PALB2: variants seen among roughly 807,000 people sequenced by gnomAD.
PALB2 encodes the protein partner and localizer of BRCA2, also known as mutant partner and localizer of BRCA2.
PALB2 carries 82 observed loss-of-function variants against 107.4 expected under a neutral mutation model. The observed-to-expected ratio is 0.76, with a 90% CI of 0.64 to 0.92. The LOEUF (loss-of-function observed/expected upper bound fraction) is 0.92. Among genes scored for constraint, PALB2 ranks in the 40% least tolerant of loss-of-function variants. The pLI is 0.00. For missense variants in PALB2, 1,374 were observed against 1,379.9 expected (o/e 1.00, Z 0.07); for synonymous variants, 489 against 496.8 (o/e 0.98, Z 0.21).
intron 6 of PALB2, among the ~76,000 whole-genome samples, chr16:23,628,446 C>A (rs904353301): frequency 5.3e-5 from 8 of 152,300 alleles, no homozygotes; most frequent in African/African-American, 1.9e-4. Context: ...GCACCCCCAT[C>A]TTCAACCCTA....
intron 11 of PALB2, among the ~76,000 whole-genome samples, chr16:23,611,078 G>GTCTA (rs201931763): frequency 0.2 from 29,309 of 148,066 alleles, 2,924 homozygotes; most frequent in Middle Eastern, 0.28. Flanking sequence ...TCAACTGTCA[G>GTCTA]TCTATCTATC....
rs1324636666 is a variant in PALB2 at position 23,626,277 on chromosome 16, C to T, written c.2707G>A (p.Ala903Thr). 2 of 1,614,180 alleles carry T rather than the reference C, an allele frequency of 1.2e-6. No homozygotes were observed. Among genetic ancestry groups the T allele is most frequent in the South Asian group, 2.2e-5 (2 of 91,090 alleles). The change falls in exon 7 of 13, where the codon GCT becomes ACT. Residue 903 changes from alanine to threonine, a missense_variant. Physicochemically the swap from Ala to Thr is moderately conservative, Grantham distance 58. Transcript: ENST00000261584. ...GTATAAAGTTTTTCCCACTGCCAAG[C>T]ATCCAGAGCTTTCCAAAGAGAAACT... ...DVVSLWKALDAWQWEKLYTWH... is the reference protein window; with the variant it reads ...DVVSLWKALDTWQWEKLYTWH...
intron 11 of PALB2, among the ~76,000 whole-genome samples, chr16:23,608,823 C>CACACACACACAT (rs1434556537): frequency 2.7e-5 from 4 of 148,276 alleles, no homozygotes; most frequent in South Asian, 2.1e-4. Flanking sequence ...CACACACACA[C>CACACACACACAT]ATATATACAG....
chr16:23,623,199 ACT>A, intron 8 of PALB2, 69 bp from the exon 9 acceptor site: 41 of 1,109,486 alleles, frequency 3.7e-5, no homozygotes, highest in Non-Finnish European at 4.2e-5. Context: ...GACTAGGTTC[ACT>A]TTTTTTTTTT....
chr16:23,625,022 C>T (rs1048055143), intron 7 of PALB2, among the ~76,000 whole-genome samples: 1 of 152,066 alleles, frequency 6.6e-6, no homozygotes, highest in East Asian at 1.9e-4. Flanking sequence ...TAAGCTCCTC[C>T]AACAGGTCTA....
intron 10 of PALB2, 74 bp from the exon 11 acceptor site, chr16:23,614,165 A>T: frequency 9.2e-7 from 1 of 1,085,170 alleles, no homozygotes; most frequent in Non-Finnish European, 1.4e-6. Flanking sequence ...TTTCTTATTC[A>T]TCATAGCATG....
At chr16:23,636,876 T>C (rs1217867860) in intron 3 of PALB2, among the ~76,000 whole-genome samples, 3 of 152,188 alleles carry the variant, frequency 2.0e-5, no homozygotes, top group Non-Finnish European at 4.4e-5. Flanking sequence ...ATTACTTGAA[T>C]GTAAACATCA....
At chr16:23,607,731 G>C in intron 12 of PALB2, 133 bp downstream of exon 12, 1 of 1,116,016 alleles carries the variant, frequency 9.0e-7, no homozygotes, top group Non-Finnish European at 1.3e-6. Flanking sequence ...TCCTACTTCT[G>C]AATATTCCTA....
intron 4 of PALB2, among the ~76,000 whole-genome samples, chr16:23,632,425 CAG>C (rs1377345389): frequency 2.6e-5 from 4 of 152,136 alleles, no homozygotes; most frequent in African/African-American, 9.7e-5. Flanking sequence ...GCCTGGGCAA[CAG>C]AGTGACACTC....
At position 23,630,193 on chromosome 16, in the gene PALB2, A is replaced by G. The variant is rs778119923; in HGVS notation, c.1961T>C (p.Ile654Thr). 2 of 1,614,138 alleles carry G rather than the reference A, an allele frequency of 1.2e-6. No individual in the cohort carries two copies. Among genetic ancestry groups the G allele is most frequent in the South Asian group, 2.2e-5 (2 of 91,082 alleles). Reference protein sequence around the residue: ...GERHLKEGSCIFPEELSPKRM... With the variant: ...GERHLKEGSCTFPEELSPKRM... ...TTTAGGACTCAGTTCCTCTGGAAAA[A>G]TACAGCTTCCCTCTTTAAGATGTCT... The change falls in exon 5 of 13, where the codon ATT becomes ACT. Residue 654 changes from isoleucine to threonine, a missense_variant. Coordinates refer to ENST00000261584, the MANE Select transcript of PALB2 (RefSeq NM_024675.4).
Position 23,630,142 on chromosome 16 carries a change from A to C in PALB2, c.2012T>G (p.Leu671Ter), listed in dbSNP as rs755263466. 3.1e-6 allele frequency: 5 copies of C among 1,614,096 alleles called. No individual in the cohort carries two copies. The South Asian group carries it at 5.5e-5, about 18-fold the overall frequency. ...PKRMDTEMED[L>*]EEDLIVLPGK... is the part of the protein sequence containing the mutation. ...TGGTAGAACAATAAGGTCCTCTTCTAAGTCCTCCATTTCTGTATCCATGCG... is the reference window on the plus strand; with the variant it reads ...TGGTAGAACAATAAGGTCCTCTTCTCAGTCCTCCATTTCTGTATCCATGCG... The change falls in exon 5 of 13, where the codon TTA (leucine) becomes TGA (stop). Residue 671 changes from leucine to a stop codon, truncating the protein, a stop_gained. Coordinates refer to ENST00000261584, the MANE Select transcript of PALB2 (RefSeq NM_024675.4). LOFTEE classifies it high-confidence loss of function.
At chr16:23,611,756 A>G (rs747173673) in intron 11 of PALB2, among the ~76,000 whole-genome samples, 11 of 151,850 alleles carry the variant, frequency 7.2e-5, no homozygotes, top group Admixed American at 3.3e-4. Context: ...CTGCACCTGG[A>G]CTATTAGTTA....
rs1060502735 is a variant in PALB2 at position 23,629,966 on chromosome 16, T to C, written c.2188A>G (p.Ile730Val). The C allele has an allele frequency of 5.6e-6, 9 of 1,614,106 alleles. No individual in the cohort carries two copies. The highest frequency in any genetic ancestry group is 7.6e-6 in the Non-Finnish European group (9 of 1,180,024). ...CCAAAGGCTGGAGTAGTACCTAAGA[T>C]GGGGAAAGCAGGTGAACACATGTCT... The part of the protein sequence containing the change: ...TTDMCSPAFP[I>V]LGTTPAFGPQ... Residue 730 changes from isoleucine to valine, a missense_variant, in exon 5 of 13, where the codon ATC becomes GTC. Coordinates refer to ENST00000261584, the MANE Select transcript of PALB2 (RefSeq NM_024675.4).
chr16:23,609,763 G>A lies in PALB2; in HGVS notation c.3202-1751C>T, dbSNP rs1040336647. Among the ~76,000 whole-genome samples, 9 of 152,122 alleles carry A rather than the reference G, an allele frequency of 5.9e-5. 1 individual carries two copies. The South Asian group carries it at 8.3e-4, about 14-fold the overall frequency. ...GATCTCCTGACCTCATGATCCGCCC[G>A]CCTTAGCCTCCCAAAGTGCTGGGAT... On this transcript the variant is annotated intron_variant, in intron 11 of 12. Transcript: ENST00000261584.
chr16:23,612,581 C>T (rs1371820499), intron 11 of PALB2, among the ~76,000 whole-genome samples: 1 of 141,570 alleles, frequency 7.1e-6, no homozygotes, highest in Non-Finnish European at 1.5e-5. Flanking sequence ...GGCTGGAGTA[C>T]AGCAGTGTGA....
intron 1 of PALB2, among the ~76,000 whole-genome samples, chr16:23,639,517 GAAAAA>G (rs1186283940): frequency 2.3e-5 from 1 of 43,766 alleles, no homozygotes; most frequent in Non-Finnish European, 4.4e-5. Flanking sequence ...GACTCTGCTT[GAAAAA>G]AAAAAAAAAA....
intron 10 of PALB2, among the ~76,000 whole-genome samples, chr16:23,614,478 G>A (rs1245063724): frequency 1.3e-5 from 2 of 151,744 alleles, no homozygotes; most frequent in Non-Finnish European, 2.9e-5. Context: ...AATTTTGTAG[G>A]GCAAGAGACT....
At chr16:23,629,337 C>T (rs1966854369) in intron 5 of PALB2, 62 bp from the exon 6 acceptor site, 2 of 1,392,764 alleles carry the variant, frequency 1.4e-6, no homozygotes, top group Admixed American at 3.4e-5. Flanking sequence ...CCTGCATTAC[C>T]CACTCATCAA....
intron 9 of PALB2, 34 bp from the exon 10 acceptor site, chr16:23,621,512 T>C: frequency 1.0e-5 from 14 of 1,365,092 alleles, no homozygotes; most frequent in Non-Finnish European, 1.5e-5. Flanking sequence ...GTCAGTACTT[T>C]GCACTAAAGC....
Sources: allele counts gnomAD v4.1 joint callset (sites outside exome capture counted in the v4.1 genomes callset), GRCh38; gene constraint gnomAD v4.1.1; transcripts MANE v1.5; gene names NCBI Gene and HGNC (gene_info 2026-07-23, HGNC 2026-07-21).